C1QTNF3: variants seen among roughly 807,000 people sequenced by gnomAD.
C1QTNF3 encodes complement C1q tumor necrosis factor-related protein 3.
A neutral mutation model predicts 32.6 loss-of-function variants in C1QTNF3; 26 were observed. The ratio of observed to expected loss-of-function variants is 0.80; its 90% CI spans 0.58 to 1.11. The LOEUF (loss-of-function observed/expected upper bound fraction) is 1.11, where lower values mean the gene tolerates loss of function less well. Ranked by LOEUF, C1QTNF3 falls within the 50% of genes least tolerant of loss-of-function variation. The pLI, the probability that C1QTNF3 is intolerant of heterozygous loss-of-function variation, is 0.00. For synonymous variants in C1QTNF3, 155 were observed against 146.0 expected (o/e 1.06, Z -0.44); for missense variants, 362 against 398.2 (o/e 0.91, Z 0.77).
At position 34,042,928 on chromosome 5, in the gene C1QTNF3, C is replaced by T. The variant is rs767994826; in HGVS notation, c.198G>A (p.Gly66=). 26 of 1,614,024 alleles carry T rather than the reference C, an allele frequency of 1.6e-5. No individual in the cohort carries two copies. Among genetic ancestry groups the T allele is most frequent in the Non-Finnish European group, 2.1e-5 (25 of 1,180,046 alleles). Residue 66 remains glycine (G), a synonymous_variant, in exon 1 of 6, where the codon GGG becomes GGA. Coordinates refer to ENST00000382065, the MANE Select transcript of C1QTNF3 (RefSeq NM_181435.6). ...KVRERSHPKT[G]TVDNNTSTDL... ...CTGTAGAAGTGTTATTATCCACAGT[C>T]CCAGTTTTAGGATGGCTCCGCTCTC...
chr5:34,075,806 T>C, the C1QTNF3 span, among the ~76,000 whole-genome samples: 21 of 151,404 alleles, frequency 1.4e-4, no homozygotes, highest in Non-Finnish European at 1.9e-4. Flanking sequence ...CATAATAGCA[T>C]TGTTTACGAT....
At chr5:34,117,786 A>G in the C1QTNF3 span, among the ~76,000 whole-genome samples, 7 of 152,116 alleles carry the variant, frequency 4.6e-5, no homozygotes, top group Non-Finnish European at 1.0e-4. Flanking sequence ...AAAAATTAAA[A>G]AAAAAAAAGG....
upstream of C1QTNF3, chr5:34,043,364 G>C: frequency 1.9e-6 from 1 of 523,576 alleles, no homozygotes; most frequent in East Asian, 3.1e-5. Flanking sequence ...TGTGTGCACA[G>C]TTCCCAGTTG....
chr5:34,095,989 T>C, the C1QTNF3 span, among the ~76,000 whole-genome samples: 9 of 151,866 alleles, frequency 5.9e-5, no homozygotes, highest in African/African-American at 2.2e-4. Context: ...AGCCACAAAG[T>C]CCAGCTTAAA....
chr5:34,213,817 TTTTTTGTGTG>T, the C1QTNF3 span, among the ~76,000 whole-genome samples: 139 of 4,878 alleles, frequency 0.028, 9 homozygotes, highest in Admixed American at 0.067. Context: ...ATATTTTTTT[TTTTTTGTGTG>T]TGTGATGGAG....
At chr5:34,052,030 C>A in the C1QTNF3 span, among the ~76,000 whole-genome samples, 4 of 152,172 alleles carry the variant, frequency 2.6e-5, no homozygotes, top group East Asian at 5.8e-4. Flanking sequence ...CCCAGCTACT[C>A]GGGAGTCTGA....
At chr5:34,026,318 C>T (rs902816496) in intron 4 of C1QTNF3, among the ~76,000 whole-genome samples, 34 of 151,870 alleles carry the variant, frequency 2.2e-4, no homozygotes, top group African/African-American at 5.6e-4. Context: ...GTGAGGGCCA[C>T]GTGGAAGAGC....
At chr5:34,141,946 A>G in the C1QTNF3 span, among the ~76,000 whole-genome samples, 1 of 152,018 alleles carries the variant, frequency 6.6e-6, no homozygotes, top group Non-Finnish European at 1.5e-5. Flanking sequence ...GCAGCTTGGG[A>G]GTGCCGAGCC....
chr5:34,187,469 G>C, the C1QTNF3 span, among the ~76,000 whole-genome samples: 13 of 152,424 alleles, frequency 8.5e-5, no homozygotes, highest in Admixed American at 5.9e-4. Context: ...GAGACTTGTT[G>C]AATGGCTTTG....
the C1QTNF3 span, among the ~76,000 whole-genome samples, chr5:34,137,919 A>G: frequency 6.6e-6 from 1 of 152,338 alleles, no homozygotes; most frequent in African/African-American, 2.4e-5. Context: ...AATGCAACCC[A>G]TTTGGAGACA....
chr5:34,139,284 T>C, the C1QTNF3 span, among the ~76,000 whole-genome samples: 1 of 152,044 alleles, frequency 6.6e-6, no homozygotes, highest in African/African-American at 2.4e-5. Flanking sequence ...AGAAGTGTGA[T>C]AAGTTAAAAG....
upstream of C1QTNF3, chr5:34,043,215 A>T: frequency 7.3e-7 from 1 of 1,366,284 alleles, no homozygotes; most frequent in Non-Finnish European, 1.0e-6. Context: ...ACTGGAGCTG[A>T]GAGCTGCAGC....
the C1QTNF3 span, among the ~76,000 whole-genome samples, chr5:34,242,432 TG>T: frequency 1.3e-5 from 2 of 152,142 alleles, no homozygotes. Context: ...ATTCAATAAA[TG>T]GTGCTGGGAT....
the C1QTNF3 span, among the ~76,000 whole-genome samples, chr5:34,143,103 T>C: frequency 6.6e-6 from 1 of 152,242 alleles, no homozygotes; most frequent in Non-Finnish European, 1.5e-5. Context: ...ACTGAACTTC[T>C]AGAGCTCAAA....
the C1QTNF3 span, among the ~76,000 whole-genome samples, chr5:34,074,170 G>GCGACCCAGAAGTTT: frequency 8.9e-4 from 136 of 152,056 alleles, 7 homozygotes; most frequent in African/African-American, 3.0e-3. Context: ...GAAAACAGAG[G>GCGACCCAGAAGTTT]TGCAGAAATC....
At chr5:34,069,033 C>T in the C1QTNF3 span, among the ~76,000 whole-genome samples, 1 of 147,082 alleles carries the variant, frequency 6.8e-6, no homozygotes, top group African/African-American at 2.5e-5. Flanking sequence ...CTCCATTAAC[C>T]TTTTCATTAG....
upstream of C1QTNF3, among the ~76,000 whole-genome samples, chr5:34,045,226 C>T (rs1166076681): frequency 6.6e-6 from 1 of 152,252 alleles, no homozygotes. Context: ...CAGCCTCTGA[C>T]TTTCTACCGC....
chr5:34,048,026 T>G (rs905446878), upstream of C1QTNF3, among the ~76,000 whole-genome samples: 4 of 152,178 alleles, frequency 2.6e-5, no homozygotes, highest in Non-Finnish European at 4.4e-5. Context: ...ATTATTCAAG[T>G]GCAGGAAACT....
At position 34,023,904 on chromosome 5, in the gene C1QTNF3, C is replaced by A. The variant is rs1477214537; in HGVS notation, c.800+5G>T. 1 of 1,612,594 alleles carries A rather than the reference C, an allele frequency of 6.2e-7. No homozygotes were observed. Among genetic ancestry groups the A allele is most frequent in the Non-Finnish European group, 8.5e-7 (1 of 1,178,646 alleles). ...ATGAGACCCATGACAGAAAAGACCA[C>A]CCACCTGTACATGCTGAAGACTGTG... is the stretch of plus-strand genomic sequence containing the variant. On this transcript the variant is annotated splice_donor_5th_base_variant and intron_variant, in intron 5 of 5. Transcript: ENST00000382065.
Sources: allele counts gnomAD v4.1 joint callset (sites outside exome capture counted in the v4.1 genomes callset), GRCh38; gene constraint gnomAD v4.1.1; transcripts MANE v1.5; gene names NCBI Gene and HGNC (gene_info 2026-07-23, HGNC 2026-07-21).